The following ADGRL2 variants were observed in gnomAD, a reference collection of about 807,000 sequenced individuals.
ADGRL2 encodes the protein calcium-independent alpha-latrotoxin receptor 2.
In ADGRL2, 44 loss-of-function variants were observed where a neutral mutation model predicts 157.4. The observed-to-expected ratio is 0.28, with a 90% CI of 0.22 to 0.36. ADGRL2 has a LOEUF of 0.36. ADGRL2 is among the 10% of genes least tolerant of loss of function. The pLI, the probability that ADGRL2 is intolerant of heterozygous loss-of-function variation, is 1.00. For synonymous variants in ADGRL2, 585 were observed against 624.7 expected (o/e 0.94, Z 0.95); for missense variants, 1,510 against 1,768.9 (o/e 0.85, Z 2.63).
At chr1:81,559,178 T>C (rs955635165) in intron 2 of ADGRL2, among the ~76,000 whole-genome samples, 2 of 152,184 alleles carry the variant, frequency 1.3e-5, no homozygotes, top group Non-Finnish European at 2.9e-5. Flanking sequence ...CATTAGCCTC[T>C]CTGAACTTCC....
chr1:81,737,884 G>A (rs1012806678), intron 1 of ADGRL2, among the ~76,000 whole-genome samples: 1 of 152,128 alleles, frequency 6.6e-6, no homozygotes, highest in Non-Finnish European at 1.5e-5. Context: ...AAGGTGTCCA[G>A]ATTCTACAAG....
At chr1:81,980,907 A>G (rs1558043907) in intron 18 of ADGRL2, 1 of 610,402 alleles carries the variant, frequency 1.6e-6, no homozygotes, top group Admixed American at 2.4e-5. Flanking sequence ...CGTCAGTATC[A>G]TGAATTGCCC....
At chr1:81,670,793 C>A (rs2082859083) in intron 3 of ADGRL2, among the ~76,000 whole-genome samples, 1 of 152,196 alleles carries the variant, frequency 6.6e-6, no homozygotes, top group Non-Finnish European at 1.5e-5. Flanking sequence ...TGGGTCACTG[C>A]AGCCTTAACC....
At chr1:81,961,809 C>T (rs1299255108) in intron 11 of ADGRL2, among the ~76,000 whole-genome samples, 1 of 152,112 alleles carries the variant, frequency 6.6e-6, no homozygotes, top group African/African-American at 2.4e-5. Context: ...TGCACATGGC[C>T]ATAATTGTAT....
At chr1:81,575,047 T>C in intron 2 of ADGRL2, among the ~76,000 whole-genome samples, 1 of 152,208 alleles carries the variant, frequency 6.6e-6, no homozygotes, top group East Asian at 1.9e-4. Flanking sequence ...CTGTTTAAAG[T>C]AGCTAGAGGA....
At chr1:81,895,601 G>A (rs956516157) in intron 2 of ADGRL2, among the ~76,000 whole-genome samples, 4 of 151,746 alleles carry the variant, frequency 2.6e-5, no homozygotes, top group African/African-American at 9.7e-5. Flanking sequence ...CACCATGTTG[G>A]CCAGGCTGGT....
chr1:81,890,210 T>C (rs2094225022), intron 2 of ADGRL2, among the ~76,000 whole-genome samples: 1 of 152,156 alleles, frequency 6.6e-6, no homozygotes, highest in African/African-American at 2.4e-5. Flanking sequence ...TAGAAGGGCA[T>C]TCCAAGTGGG....
At chr1:81,468,255 T>A (rs559484582) in intron 2 of ADGRL2, among the ~76,000 whole-genome samples, 23 of 152,320 alleles carry the variant, frequency 1.5e-4, no homozygotes, top group African/African-American at 5.3e-4. Context: ...GGTAGTATCT[T>A]CACTGGTATA....
chr1:81,930,614 G>A (rs2095210200), intron 3 of ADGRL2, among the ~76,000 whole-genome samples: 1 of 152,058 alleles, frequency 6.6e-6, no homozygotes. Flanking sequence ...GCACAAGCCT[G>A]GGCAATATCA....
chr1:81,592,977 C>T (rs2081162566), intron 3 of ADGRL2, among the ~76,000 whole-genome samples: 1 of 152,046 alleles, frequency 6.6e-6, no homozygotes, highest in Non-Finnish European at 1.5e-5. Context: ...CCATTTATCC[C>T]AATTACACTT....
intron 1 of ADGRL2, among the ~76,000 whole-genome samples, chr1:81,307,245 C>T (rs1476290836): frequency 1.3e-5 from 2 of 152,050 alleles, no homozygotes; most frequent in Non-Finnish European, 2.9e-5. Context: ...TTTCAATAGC[C>T]AAATGATTAG....
chr1:81,930,732 C>G (rs560417311), intron 3 of ADGRL2, among the ~76,000 whole-genome samples: 1 of 152,186 alleles, frequency 6.6e-6, no homozygotes, highest in East Asian at 1.9e-4. Context: ...TCAGCTTTTA[C>G]AGATGCATAT....
intron 3 of ADGRL2, among the ~76,000 whole-genome samples, chr1:81,927,971 T>G (rs12079242): frequency 0.27 from 41,218 of 151,902 alleles, 6,019 homozygotes; most frequent in Middle Eastern, 0.36. Flanking sequence ...TCAACTCCAT[T>G]TTTCTCTTGC....
intron 2 of ADGRL2, among the ~76,000 whole-genome samples, chr1:81,879,916 A>G (rs1212267516): frequency 6.6e-6 from 1 of 152,050 alleles, no homozygotes; most frequent in Admixed American, 6.6e-5. Context: ...AATCCCTGCT[A>G]CTCAGGTGGC....
chr1:81,381,804 C>T (rs2076349987), intron 1 of ADGRL2, among the ~76,000 whole-genome samples: 1 of 152,142 alleles, frequency 6.6e-6, no homozygotes, highest in Admixed American at 6.5e-5. Context: ...TCATAAGACT[C>T]TGAGGATGGA....
intron 1 of ADGRL2, among the ~76,000 whole-genome samples, chr1:81,326,522 C>A (rs142749784): frequency 3.9e-5 from 6 of 152,164 alleles, no homozygotes; most frequent in South Asian, 2.1e-4. Flanking sequence ...TGATCTTTAA[C>A]AACCATCAAT....
chr1:81,544,601 T>A (rs921181231), intron 2 of ADGRL2, among the ~76,000 whole-genome samples: 6 of 152,176 alleles, frequency 3.9e-5, no homozygotes, highest in Non-Finnish European at 7.3e-5. Context: ...TTTGCCAAGT[T>A]GCCTAGTCCT....
chr1:81,731,783 T>C (rs1239239016), intron 1 of ADGRL2, among the ~76,000 whole-genome samples: 3 of 152,302 alleles, frequency 2.0e-5, no homozygotes, highest in African/African-American at 7.2e-5. Flanking sequence ...CAGTGCACTT[T>C]GCGGTTTGTT....
At chr1:81,386,983 C>T (rs1481235167) in intron 1 of ADGRL2, among the ~76,000 whole-genome samples, 3 of 152,144 alleles carry the variant, frequency 2.0e-5, no homozygotes, top group South Asian at 4.1e-4. Context: ...CAGGCTTTTG[C>T]TTGGCAATAT....
Sources: allele counts gnomAD v4.1 joint callset (sites outside exome capture counted in the v4.1 genomes callset), GRCh38; gene constraint gnomAD v4.1.1; transcripts MANE v1.5; gene names NCBI Gene and HGNC (gene_info 2026-07-23, HGNC 2026-07-21).